Variants in TRPC6 observed in about 807,000 individuals in gnomAD.
TRPC6 encodes the protein transient receptor potential cation channel subfamily C member 6.
A neutral mutation model predicts 90.7 loss-of-function variants in TRPC6; 55 were observed. The ratio of observed to expected loss-of-function variants is 0.61; its 90% CI spans 0.49 to 0.76. The LOEUF is 0.76. Ranked by LOEUF, TRPC6 falls within the 30% of genes least tolerant of loss-of-function variation. TRPC6 has a pLI of 0.00. For synonymous variants in TRPC6, 393 were observed against 393.0 expected (o/e 1.00, Z 0.00); for missense variants, 989 against 1,122.7 (o/e 0.88, Z 1.70).
chr11:101,513,908 GATA>G lies in TRPC6; in HGVS notation c.171-9113_171-9111del, dbSNP rs200880020. On this transcript the variant is annotated intron_variant, in intron 1 of 12. Transcript: ENST00000344327. ...GATAATGGTGCTGAAGAAAGACTTT[GATA>G]ATAGGTCTGGAACATGCTCTAACTC... 7.9e-3 allele frequency among the ~76,000 whole-genome samples: 1,196 copies of G among 152,264 alleles called. 15 individuals are homozygous for G. Among genetic ancestry groups the G allele is most frequent in the African/African-American group, 0.028 (1,149 of 41,546 alleles).
chr11:101,453,586 C>A, intron 12 of TRPC6, 64 bp downstream of exon 12: 1 of 1,497,082 alleles, frequency 6.7e-7, no homozygotes, highest in South Asian at 1.1e-5. Context: ...TCTCCAGGCA[C>A]TCTGCGCTAG....
chr11:101,543,499 G>A, intron 1 of TRPC6, among the ~76,000 whole-genome samples: 1 of 152,032 alleles, frequency 6.6e-6, no homozygotes, highest in East Asian at 1.9e-4. Context: ...AACCAAAACA[G>A]CATGGTACTG....
intron 10 of TRPC6, among the ~76,000 whole-genome samples, chr11:101,462,046 T>C (rs1250365410): frequency 6.6e-6 from 1 of 152,200 alleles, no homozygotes; most frequent in African/African-American, 2.4e-5. Context: ...GGCTAGCCAG[T>C]TTTCCCATCA....
At chr11:101,473,911 T>A in intron 6 of TRPC6, 138 bp from the exon 7 acceptor site, 1 of 1,169,838 alleles carries the variant, frequency 8.5e-7, no homozygotes, top group Non-Finnish European at 1.2e-6. Context: ...AAGGGCTTCT[T>A]AAGTGTCTGC....
chr11:101,491,765 C>A (rs1859819066), intron 2 of TRPC6, 27 bp from the exon 3 acceptor site: 3 of 1,599,692 alleles, frequency 1.9e-6, no homozygotes, highest in South Asian at 1.1e-5. Context: ...AAAACAAAAG[C>A]AATAATGGAG....
At chr11:101,555,205 A>C (rs1861535946) in intron 1 of TRPC6, among the ~76,000 whole-genome samples, 1 of 152,170 alleles carries the variant, frequency 6.6e-6, no homozygotes, top group Non-Finnish European at 1.5e-5. Context: ...ATCAGGCTTC[A>C]CCTATTATTC....
At chr11:101,529,716 G>T (rs1188160513) in intron 1 of TRPC6, among the ~76,000 whole-genome samples, 1 of 152,194 alleles carries the variant, frequency 6.6e-6, no homozygotes, top group Non-Finnish European at 1.5e-5. Context: ...GCAGGATAAT[G>T]GAATAGGAGG....
chr11:101,458,337 G>T (rs369810241), intron 10 of TRPC6, among the ~76,000 whole-genome samples: 1 of 152,154 alleles, frequency 6.6e-6, no homozygotes, highest in South Asian at 2.1e-4. Flanking sequence ...GAATGAAATA[G>T]TCAGTGATTC....
At chr11:101,580,220 T>G (rs928369319) in intron 1 of TRPC6, among the ~76,000 whole-genome samples, 1 of 152,140 alleles carries the variant, frequency 6.6e-6, no homozygotes, top group Non-Finnish European at 1.5e-5. Flanking sequence ...ATGCTTAACT[T>G]TTTTAAATGT....
At chr11:101,512,987 A>C (rs985729389) in intron 1 of TRPC6, among the ~76,000 whole-genome samples, 2 of 152,244 alleles carry the variant, frequency 1.3e-5, no homozygotes, top group Non-Finnish European at 2.9e-5. Flanking sequence ...ATGTGTGCAG[A>C]AGTTAGGGAA....
intron 10 of TRPC6, among the ~76,000 whole-genome samples, chr11:101,461,114 C>A (rs970933815): frequency 6.6e-6 from 1 of 152,108 alleles, no homozygotes; most frequent in East Asian, 1.9e-4. Flanking sequence ...CAATATGTCA[C>A]CAGGAATGAC....
intron 6 of TRPC6, among the ~76,000 whole-genome samples, chr11:101,476,031 A>G (rs1350993688): frequency 6.6e-6 from 1 of 152,150 alleles, no homozygotes; most frequent in Non-Finnish European, 1.5e-5. Context: ...TAAGACATGT[A>G]TTCTCCATGA....
intron 10 of TRPC6, among the ~76,000 whole-genome samples, chr11:101,458,508 T>A (rs766113535): frequency 1.3e-5 from 2 of 152,216 alleles, no homozygotes; most frequent in Non-Finnish European, 2.9e-5. Flanking sequence ...TAATAGACTA[T>A]GGAAGAGATC....
intron 1 of TRPC6, among the ~76,000 whole-genome samples, chr11:101,536,570 A>G (rs1421272062): frequency 3.3e-5 from 5 of 152,200 alleles, no homozygotes; most frequent in African/African-American, 1.2e-4. Context: ...AAGAAAAAGT[A>G]AGATGTAGTA....
chr11:101,572,566 T>A (rs1565251756), intron 1 of TRPC6, among the ~76,000 whole-genome samples: 1 of 152,314 alleles, frequency 6.6e-6, no homozygotes, highest in East Asian at 1.9e-4. Context: ...CACATATGTT[T>A]ATTGCAGCAC....
At chr11:101,468,413 T>G (rs964414705) in intron 10 of TRPC6, among the ~76,000 whole-genome samples, 1 of 152,206 alleles carries the variant, frequency 6.6e-6, no homozygotes, top group South Asian at 2.1e-4. Flanking sequence ...CCTATGTTGT[T>G]GGGGGAGGTA....
At chr11:101,548,394 A>G (rs985609998) in intron 1 of TRPC6, among the ~76,000 whole-genome samples, 6 of 143,562 alleles carry the variant, frequency 4.2e-5, no homozygotes, top group Admixed American at 7.2e-5. Flanking sequence ...TATATTATGT[A>G]TAATATATAA....
rs545592603 is a variant in TRPC6, at chr11:101,564,708, T to C, written c.170+18626A>G. Among the ~76,000 whole-genome samples, 3 of 152,068 alleles carry C rather than the reference T, an allele frequency of 2.0e-5. No individual in the cohort carries two copies. In the South Asian group the frequency reaches 6.2e-4, roughly 31 times the overall value. Reference sequence around the variant, plus strand: ...ATTCCAGTAGCATTTTTCACAGAAATAGAAAAAAATTCTAAAACGTATACA... The same window carrying C: ...ATTCCAGTAGCATTTTTCACAGAAACAGAAAAAAATTCTAAAACGTATACA... On this transcript the variant is annotated intron_variant, in intron 1 of 12. Transcript: ENST00000344327.
At chr11:101,491,325 T>C (rs1430786741) in intron 3 of TRPC6, 2 of 406,318 alleles carry the variant, frequency 4.9e-6, no homozygotes, top group South Asian at 2.1e-5. Context: ...TCCCAGCTAC[T>C]TGGGAGGCTG....
Sources: gnomAD v4.1 joint callset for allele counts (sites outside exome capture counted in the v4.1 genomes callset) on GRCh38, gnomAD v4.1.1 for gene constraint, MANE v1.5 for transcripts, NCBI Gene and HGNC (gene_info 2026-07-23, HGNC 2026-07-21) for gene names.